SND1: variants seen among roughly 807,000 people sequenced by gnomAD.
SND1 encodes the protein staphylococcal nuclease and tudor domain containing 1, also known as staphylococcal nuclease domain-containing protein 1.
A neutral mutation model predicts 121.7 loss-of-function variants in SND1; 38 were observed. That is an observed-to-expected ratio of 0.31 (90% CI 0.24 to 0.41). The LOEUF (loss-of-function observed/expected upper bound fraction) is 0.41, where lower values mean the gene tolerates loss of function less well. SND1 is among the 10% of genes least tolerant of loss of function. SND1 has a pLI of 1.00. For synonymous variants in SND1, 401 were observed against 447.4 expected (o/e 0.90, Z 1.31); for missense variants, 868 against 1,184.6 (o/e 0.73, Z 3.92).
chr7:127,661,179 A>G lies in SND1; in HGVS notation c.78+8728A>G, dbSNP rs879198861. Among the ~76,000 whole-genome samples, 3 of 152,120 alleles carry G rather than the reference A, an allele frequency of 2.0e-5. No homozygotes were observed. In the South Asian group the frequency reaches 6.2e-4, roughly 32 times the overall value. On this transcript the variant is annotated intron_variant, in intron 1 of 23. Transcript: ENST00000354725. ...TGGTTCCCAGGACGCTTTGTTTTTA[A>G]TTTGTGGCTCAATATTGGGCTGGGG...
chr7:127,754,388 G>T (rs80222294), intron 10 of SND1, among the ~76,000 whole-genome samples: 31 of 152,226 alleles, frequency 2.0e-4, no homozygotes, highest in Admixed American at 1.3e-3. Context: ...GTCCACTAAG[G>T]GTAAATCATG....
chr7:127,713,989 A>C (rs544696224), intron 9 of SND1, among the ~76,000 whole-genome samples: 2 of 151,770 alleles, frequency 1.3e-5, no homozygotes, highest in African/African-American at 4.8e-5. Context: ...GTTTGTAGCC[A>C]TATGGTCCCC....
At chr7:128,002,028 G>A (rs1338641529) in intron 16 of SND1, among the ~76,000 whole-genome samples, 3 of 152,224 alleles carry the variant, frequency 2.0e-5, no homozygotes, top group African/African-American at 7.2e-5. Flanking sequence ...GTTCTAGGCT[G>A]GATCTAGGTA....
Position 127,917,104 on chromosome 7 carries a change from G to T in SND1, c.1528-12084G>T, listed in dbSNP as rs149916791. On this transcript the variant is annotated intron_variant, in intron 14 of 23. Transcript: ENST00000354725. ...ATCTCAATTCTCTGCCATCACTTAC[G>T]CACTCTGTGGTACATCATTTTCCAC... Among the ~76,000 whole-genome samples, 80 of 152,236 alleles carry T rather than the reference G, an allele frequency of 5.3e-4. No homozygotes were observed. The East Asian group carries it at 0.014, about 26-fold the overall frequency.
At chr7:127,777,540 G>A (rs1797643729) in intron 10 of SND1, among the ~76,000 whole-genome samples, 2 of 152,208 alleles carry the variant, frequency 1.3e-5, no homozygotes. Context: ...GTCAGGAATG[G>A]ACAGTAGGGA....
chr7:127,699,718 T>G (rs1025129517), intron 4 of SND1, among the ~76,000 whole-genome samples: 3 of 152,194 alleles, frequency 2.0e-5, no homozygotes, highest in African/African-American at 4.8e-5. Context: ...TCATTAACAT[T>G]TTAGTCTCTG....
chr7:127,913,748 A>G (rs998466330), intron 14 of SND1, among the ~76,000 whole-genome samples: 17 of 152,286 alleles, frequency 1.1e-4, no homozygotes, highest in African/African-American at 3.6e-4. Context: ...AATTTGAAAT[A>G]TTTCTGCATA....
At chr7:127,766,668 A>G (rs1041248311) in intron 10 of SND1, among the ~76,000 whole-genome samples, 5 of 142,378 alleles carry the variant, frequency 3.5e-5, no homozygotes, top group Admixed American at 7.5e-5. Flanking sequence ...CCAGCTACTC[A>G]GGAGGCTGAG....
chr7:128,028,959 G>A (rs372450988), intron 16 of SND1: 2 of 1,608,924 alleles, frequency 1.2e-6, no homozygotes, highest in African/African-American at 1.3e-5. Context: ...CCGGGCGGCT[G>A]TGACTGTACT....
intron 14 of SND1, among the ~76,000 whole-genome samples, chr7:127,905,810 G>T (rs1375306647): frequency 1.3e-5 from 2 of 152,198 alleles, no homozygotes; most frequent in Non-Finnish European, 2.9e-5. Context: ...AGGGTAGATG[G>T]AAGGAGGAAG....
chr7:128,030,196 G>T (rs375343390), intron 16 of SND1: 1 of 1,614,264 alleles, frequency 6.2e-7, no homozygotes, highest in Non-Finnish European at 8.5e-7. Flanking sequence ...AGCTCCCGCA[G>T]CTTGGACAGG....
At chr7:127,690,574 A>G (rs1218047548) in intron 2 of SND1, among the ~76,000 whole-genome samples, 1 of 152,222 alleles carries the variant, frequency 6.6e-6, no homozygotes. Context: ...ACACGTTTAT[A>G]TATCTTTCTC....
In SND1 at chr7:128,043,470, A is replaced by T. The variant is rs139584977; in HGVS notation, c.1780-31032A>T. On this transcript the variant is annotated intron_variant, in intron 16 of 23. Transcript: ENST00000354725. The stretch of plus-strand genomic sequence containing the variant: ...GCACCTGTAATCCCAGCTACTTGGG[A>T]GGCTGAGGTGGGAGAATCACTTGAA... Among the ~76,000 whole-genome samples the T allele has an allele frequency of 5.2e-3, 786 of 152,146 alleles. 6 individuals carry two copies. The highest frequency in any genetic ancestry group is 0.018 in the African/African-American group (758 of 41,494).
At chr7:127,814,504 T>C (rs184398086) in intron 11 of SND1, among the ~76,000 whole-genome samples, 89 of 152,200 alleles carry the variant, frequency 5.8e-4, no homozygotes, top group African/African-American at 2.0e-3. Flanking sequence ...GCAGATGTGC[T>C]CATTTGGAAA....
intron 16 of SND1, among the ~76,000 whole-genome samples, chr7:128,069,004 C>A (rs1169832586): frequency 6.6e-6 from 1 of 152,364 alleles, no homozygotes; most frequent in Middle Eastern, 3.4e-3. Flanking sequence ...TGCTCTCCTG[C>A]AGGGCATGGC....
At chr7:127,869,304 T>TG (rs1799534968) in intron 12 of SND1, among the ~76,000 whole-genome samples, 1 of 151,916 alleles carries the variant, frequency 6.6e-6, no homozygotes. Context: ...GTGGAGGTGG[T>TG]GGGAGATGGG....
chr7:128,030,866 G>T, intron 16 of SND1: 1 of 521,152 alleles, frequency 1.9e-6, no homozygotes. Flanking sequence ...CGAAAGCTAC[G>T]ACTCTCCCAC....
chr7:127,995,382 C>G (rs558280477), intron 16 of SND1, among the ~76,000 whole-genome samples: 15 of 152,326 alleles, frequency 9.8e-5, no homozygotes, highest in Admixed American at 9.1e-4. Context: ...AAGGCAGTTC[C>G]CTGCCACACA....
At chr7:127,979,599 G>A (rs1254861130) in intron 15 of SND1, among the ~76,000 whole-genome samples, 1 of 152,144 alleles carries the variant, frequency 6.6e-6, no homozygotes, top group African/African-American at 2.4e-5. Flanking sequence ...GAGGCTAGGA[G>A]GGGGTTGTTT....
Sources: allele counts gnomAD v4.1 joint callset (sites outside exome capture counted in the v4.1 genomes callset), GRCh38; gene constraint gnomAD v4.1.1; transcripts MANE v1.5; gene names NCBI Gene and HGNC (gene_info 2026-07-23, HGNC 2026-07-21).